Variants in LRBA observed in about 807,000 individuals in gnomAD.
LRBA encodes the protein LPS responsive beige-like anchor protein.
In LRBA, 176 loss-of-function variants were observed where a neutral mutation model predicts 330.0. That is an observed-to-expected ratio of 0.53 (90% confidence interval 0.47 to 0.60). The LOEUF (loss-of-function observed/expected upper bound fraction) is 0.60. Among genes scored for constraint, LRBA ranks in the 20% least tolerant of loss-of-function variants. LRBA has a pLI of 0.00. For missense variants in LRBA, 3,259 were observed against 3,444.8 expected (o/e 0.95, Z 1.35); for synonymous variants, 1,230 against 1,193.0 (o/e 1.03, Z -0.64).
intron 40 of LRBA, among the ~76,000 whole-genome samples, chr4:150,539,591 T>C (rs1272043887): frequency 1.3e-5 from 2 of 152,220 alleles, no homozygotes; most frequent in African/African-American, 2.4e-5. Flanking sequence ...AGTATCAACA[T>C]AGTCTTAAGC....
chr4:150,597,520 G>C (rs1308349515), intron 38 of LRBA, among the ~76,000 whole-genome samples: 1 of 151,842 alleles, frequency 6.6e-6, no homozygotes, highest in African/African-American at 2.4e-5. Flanking sequence ...AAAGGAAAAT[G>C]TTTTTACGAA....
chr4:150,726,495 A>G (rs1337303194), intron 36 of LRBA, among the ~76,000 whole-genome samples: 2 of 152,232 alleles, frequency 1.3e-5, no homozygotes, highest in East Asian at 3.8e-4. Flanking sequence ...ACACTGCTAT[A>G]AAGAACTACC....
chr4:150,730,163 A>T (rs1316819472), intron 36 of LRBA, among the ~76,000 whole-genome samples: 1 of 152,228 alleles, frequency 6.6e-6, no homozygotes, highest in Non-Finnish European at 1.5e-5. Context: ...ATCAAGTTAA[A>T]AAGCTACTGC....
intron 28 of LRBA, among the ~76,000 whole-genome samples, chr4:150,842,426 T>G (rs1229387724): frequency 6.6e-6 from 1 of 152,210 alleles, no homozygotes; most frequent in African/African-American, 2.4e-5. Flanking sequence ...TAGCTAGGAC[T>G]AGAGGCGTGT....
chr4:150,346,085 C>T (rs1434696893), intron 48 of LRBA, among the ~76,000 whole-genome samples: 1 of 152,052 alleles, frequency 6.6e-6, no homozygotes, highest in Non-Finnish European at 1.5e-5. Flanking sequence ...TGGGATTACA[C>T]GTGTAAGCCA....
intron 40 of LRBA, among the ~76,000 whole-genome samples, chr4:150,530,412 T>C (rs1763935648): frequency 6.6e-6 from 1 of 152,162 alleles, no homozygotes; most frequent in Admixed American, 6.5e-5. Context: ...CCCTTGGCAA[T>C]TTCAACAATC....
intron 22 of LRBA, among the ~76,000 whole-genome samples, chr4:150,858,916 CA>C (rs1187477469): frequency 3.3e-5 from 5 of 152,090 alleles, no homozygotes; most frequent in African/African-American, 1.2e-4. Context: ...TATGCCAGTT[CA>C]TATCTTATGA....
At chr4:150,708,785 A>T (rs1350136736) in intron 36 of LRBA, among the ~76,000 whole-genome samples, 1 of 151,860 alleles carries the variant, frequency 6.6e-6, no homozygotes, top group Non-Finnish European at 1.5e-5. Flanking sequence ...GAAAAGAATT[A>T]AAAAGGCTAT....
At chr4:150,488,706 T>C (rs1758185363) in intron 41 of LRBA, among the ~76,000 whole-genome samples, 1 of 150,504 alleles carries the variant, frequency 6.6e-6, no homozygotes, top group African/African-American at 2.4e-5. Flanking sequence ...CAAGCGATCA[T>C]CTAGAAGATG....
intron 2 of LRBA, among the ~76,000 whole-genome samples, chr4:150,966,965 A>C (rs1738971759): frequency 6.6e-6 from 1 of 152,210 alleles, no homozygotes; most frequent in Non-Finnish European, 1.5e-5. Flanking sequence ...CTTGAAATCT[A>C]AACAACATAG....
chr4:150,664,092 C>A (rs1781362743), intron 37 of LRBA, among the ~76,000 whole-genome samples: 1 of 152,102 alleles, frequency 6.6e-6, no homozygotes, highest in African/African-American at 2.4e-5. Flanking sequence ...CACTAACAAG[C>A]CTTGAATGTC....
At position 151,006,431 on chromosome 4, in the gene LRBA, T is replaced by C. The variant is rs184176443; in HGVS notation, c.216+7996A>G. ...ATTAAGACATTTCCATTTAACACTT[T>C]TGAAGTATCAAAACACTTCAAAAAG... On this transcript the variant is annotated intron_variant, in intron 2 of 56. Transcript: ENST00000651943. 2.0e-3 allele frequency among the ~76,000 whole-genome samples: 303 copies of C among 152,230 alleles called. 6 individuals carry two copies. Among genetic ancestry groups the C allele is most frequent in the Admixed American group, 0.018 (272 of 15,306 alleles).
At chr4:150,568,514 G>T (rs1481091615) in intron 40 of LRBA, among the ~76,000 whole-genome samples, 1 of 152,030 alleles carries the variant, frequency 6.6e-6, no homozygotes, top group Admixed American at 6.6e-5. Flanking sequence ...CACGTAAGTG[G>T]TGGTAATAAG....
chr4:150,379,303 CAA>C (rs10634420), intron 47 of LRBA, among the ~76,000 whole-genome samples: 116 of 59,870 alleles, frequency 1.9e-3, no homozygotes, highest in African/African-American at 7.1e-3. Context: ...AACTCTAGCT[CAA>C]AAAAAAAAAA....
At chr4:150,846,066 C>G (rs753040745) in intron 26 of LRBA, among the ~76,000 whole-genome samples, 1 of 152,068 alleles carries the variant, frequency 6.6e-6, no homozygotes. Flanking sequence ...AAATAATATT[C>G]AGCCGTAAAA....
intron 2 of LRBA, among the ~76,000 whole-genome samples, chr4:151,003,084 T>C (rs1579463236): frequency 6.7e-6 from 1 of 149,422 alleles, no homozygotes; most frequent in African/African-American, 2.5e-5. Flanking sequence ...ACCAACATCA[T>C]TTTTCACAGA....
At chr4:150,821,811 A>T (rs1578891054) in intron 30 of LRBA, among the ~76,000 whole-genome samples, 1 of 152,192 alleles carries the variant, frequency 6.6e-6, no homozygotes, top group African/African-American at 2.4e-5. Flanking sequence ...TTAGATAAGA[A>T]CAAGAATTTT....
Position 150,929,693 on chromosome 4 carries a change from C to G in LRBA, c.217-628G>C, listed in dbSNP as rs546557010. Among the ~76,000 whole-genome samples the G allele has an allele frequency of 2.6e-5, 4 of 152,218 alleles. No individual in the cohort carries two copies. The East Asian group carries it at 7.7e-4, about 29-fold the overall frequency. On this transcript the variant is annotated intron_variant, in intron 2 of 56. Coordinates refer to ENST00000651943, the MANE Select transcript of LRBA (RefSeq NM_001364905.1). ...GCCTTGTCATCTCACCCAGAGCCTC[C>G]CCATACAGAGGGAAGGTTCGTAAAT...
At chr4:150,508,105 T>G in intron 40 of LRBA, among the ~76,000 whole-genome samples, 1 of 147,868 alleles carries the variant, frequency 6.8e-6, no homozygotes, top group Non-Finnish European at 1.5e-5. Flanking sequence ...AGGGATAGCA[T>G]TAGGAGATAT....
Sources: allele counts gnomAD v4.1 joint callset (sites outside exome capture counted in the v4.1 genomes callset), GRCh38; gene constraint gnomAD v4.1.1; transcripts MANE v1.5; gene names NCBI Gene and HGNC (gene_info 2026-07-23, HGNC 2026-07-21).